EI24: variants seen among roughly 807,000 people sequenced by gnomAD.
EI24 encodes the protein EI24 autophagy associated transmembrane protein.
A neutral mutation model predicts 48.6 loss-of-function variants in EI24; 21 were observed. The observed-to-expected ratio is 0.43, with a 90% CI of 0.31 to 0.62. The LOEUF (loss-of-function observed/expected upper bound fraction) is 0.62, where lower values mean the gene tolerates loss of function less well. Ranked by LOEUF, EI24 falls within the 20% of genes least tolerant of loss-of-function variation. The pLI, the probability that EI24 is intolerant of heterozygous loss-of-function variation, is 0.10. For missense variants in EI24, 280 were observed against 410.5 expected (o/e 0.68, Z 2.75); for synonymous variants, 114 against 145.5 (o/e 0.78, Z 1.56).
rs1360060987 is a variant in EI24, at chr11:125,581,605, G to A, written c.785+283G>A. ...TCTGTCGCCCAGGCTAGAGTGCAGTGGTGTAATCTCAGCTCACTGCAACCT... is the reference window on the plus strand; with the variant it reads ...TCTGTCGCCCAGGCTAGAGTGCAGTAGTGTAATCTCAGCTCACTGCAACCT... On this transcript the variant is annotated intron_variant, in intron 9 of 10. Transcript: ENST00000278903. 2.2e-5 allele frequency among the ~76,000 whole-genome samples: 3 copies of A among 133,672 alleles called. No individual in the cohort carries two copies. In the East Asian group the frequency reaches 6.7e-4, roughly 30 times the overall value. 87.7% of individuals were successfully genotyped at this position (133,672 alleles called of 152,430 possible).
At chr11:125,577,886 T>C (rs771529621) in intron 5 of EI24, 6 of 585,288 alleles carry the variant, frequency 1.0e-5, no homozygotes, top group Non-Finnish European at 1.5e-5. Context: ...CTGTGGCATC[T>C]CGTTACCATC....
rs545799656 is a variant in EI24, at chr11:125,578,058, C to A, written c.317-75C>A. ...TCCAGGAGGAGACAGAGAATAGTCA[C>A]GAGATGGGGGTTCCGCATTTGGTCT... is the stretch of plus-strand genomic sequence containing the variant. On this transcript the variant is annotated intron_variant, in intron 5 of 10. Transcript: ENST00000278903. 6.4e-6 allele frequency: 10 copies of A among 1,569,826 alleles called. No homozygotes were observed. In the East Asian group the frequency reaches 2.0e-4, roughly 32 times the overall value.
rs570993633 is a variant in EI24 at position 125,583,588 on chromosome 11, T to G, written c.928T>G (p.Tyr310Asp). ...CAACAGACTCTTCCACAAGACAGTC[T>G]ACCTGCAGTCGGCCCTGAGCAGCTC... The part of the protein sequence containing the change: ...LSNRLFHKTV[Y>D]LQSALSSSTS... The change falls in exon 11 of 11, where the codon TAC becomes GAC. Residue 310 changes from tyrosine to aspartate, a missense_variant. By Grantham distance (160) the Tyr-to-Asp change is radical. Around this residue, in one of 3 missense-constraint regions of EI24, gnomAD observed 62 missense variants for 65.1 expected, o/e 0.95. Coordinates refer to ENST00000278903, the MANE Select transcript of EI24 (RefSeq NM_004879.5). 6.2e-6 allele frequency: 10 copies of G among 1,612,890 alleles called. No homozygotes were observed. In the East Asian group the frequency reaches 2.2e-4, roughly 36 times the overall value.
At chr11:125,580,545 A>C (rs555338803) in intron 8 of EI24, among the ~76,000 whole-genome samples, 1 of 152,316 alleles carries the variant, frequency 6.6e-6, no homozygotes, top group South Asian at 2.1e-4. Context: ...AAAGACCTTC[A>C]GATATTTACC....
At chr11:125,571,032 C>T (rs1396950733) in intron 1 of EI24, among the ~76,000 whole-genome samples, 1 of 152,202 alleles carries the variant, frequency 6.6e-6, no homozygotes, top group Non-Finnish European at 1.5e-5. Flanking sequence ...TAGGATTTGA[C>T]CTAAGGAGCA....
At chr11:125,569,636 G>T in intron 1 of EI24, 63 bp downstream of exon 1, 1 of 342,808 alleles carries the variant, frequency 2.9e-6, no homozygotes, top group Non-Finnish European at 5.3e-6. Flanking sequence ...TGAGTGGCAG[G>T]GACCGGGAGG....
chr11:125,581,392 T>G, intron 9 of EI24, 70 bp downstream of exon 9: 1 of 993,620 alleles, frequency 1.0e-6, no homozygotes, highest in Non-Finnish European at 1.5e-6. Context: ...GCCTTTTGTT[T>G]GCTTCGTTCT....
At position 125,582,326 on chromosome 11, in the gene EI24, T is replaced by TA. The variant is rs1939046230; in HGVS notation, c.786-20_786-19insA. ...TGTTATGAAGGTGACTAATTATTTC[T>TA]TTTTTTTTTTTTTAAACAGTGGCTG... is the stretch of plus-strand genomic sequence containing the variant. On this transcript the variant is annotated intron_variant, in intron 9 of 10. Transcript: ENST00000278903. 2.6e-6 allele frequency: 1 copy of TA among 379,860 alleles called. No individual in the cohort carries two copies. Among genetic ancestry groups the TA allele is most frequent in the East Asian group, 1.0e-4 (1 of 9,646 alleles). 23.5% of individuals were successfully genotyped at this position (379,860 alleles called of 1,614,324 possible).
chr11:125,575,913 C>T (rs940160079), intron 3 of EI24: 2 of 387,680 alleles, frequency 5.2e-6, no homozygotes, highest in Admixed American at 3.3e-5. Context: ...CTCAGCGAAC[C>T]GGCTGGCTGG....
intron 8 of EI24, 113 bp from the exon 9 acceptor site, chr11:125,581,077 AAATAATAATAATAATAATAAT>A: frequency 5.2e-6 from 1 of 193,012 alleles, no homozygotes; most frequent in Non-Finnish European, 9.5e-6. Flanking sequence ...ACTCCATCTC[AAATAATAATAATAATAATAAT>A]AATAATAATA....
At chr11:125,574,594 A>G (rs1938659998) in intron 2 of EI24, 1 of 152,230 alleles carries the variant, frequency 6.6e-6, no homozygotes, top group Admixed American at 6.5e-5. Flanking sequence ...AATGCTATCC[A>G]TTCTTAAATC....
At chr11:125,580,268 ACTT>A in intron 8 of EI24, 64 bp downstream of exon 8, 3 of 1,148,558 alleles carry the variant, frequency 2.6e-6, no homozygotes, top group Non-Finnish European at 3.9e-6. Context: ...TGCTAAGCAG[ACTT>A]CTTAAACTAC....
In EI24 at chr11:125,577,525, C is replaced by T; in HGVS notation, c.271C>T (p.Arg91Ter). 2 of 1,613,780 alleles carry T rather than the reference C, an allele frequency of 1.2e-6. No individual in the cohort carries two copies. Among genetic ancestry groups the T allele is most frequent in the Non-Finnish European group, 1.7e-6 (2 of 1,179,830 alleles). The change falls in exon 5 of 11, where the codon CGA becomes TGA. Residue 91 changes from arginine (R) to a stop codon, truncating the protein, a stop_gained. Coordinates refer to ENST00000278903, the MANE Select transcript of EI24 (RefSeq NM_004879.5). LOFTEE classifies it high-confidence loss of function. ...VFWFSLLLFY[R>*]VFIPVLQSVT... ...TTAGTTCAGTCTCCTCTTGTTTTAT[C>T]GAGTATTTATTCCTGTGCTTCAGTC...
In EI24 at chr11:125,582,409, T is replaced by C. The variant is rs868307053; in HGVS notation, c.849T>C (p.Pro283=). The C allele has an allele frequency of 6.2e-7, 1 of 1,603,148 alleles. No individual in the cohort carries two copies. Residue 283 remains proline, a synonymous_variant, in exon 10 of 11, where the codon CCT becomes CCC. Coordinates refer to ENST00000278903, the MANE Select transcript of EI24 (RefSeq NM_004879.5). Reference sequence around the variant, plus strand: ...TCAGCGCCAATGAAGCAAAGACCCCTGGCAAAGCATAGTAAGTATTAGCCA... The same window carrying C: ...TCAGCGCCAATGAAGCAAAGACCCCCGGCAAAGCATAGTAAGTATTAGCCA... The part of the protein sequence containing the change: ...FIISANEAKT[P]GKAYLFQLRL...
Position 125,581,318 on chromosome 11 carries a change from A to G in EI24, c.781A>G (p.Ile261Val). ...CACAGCAATGCAGTCCTCATATATT[A>G]TCAGGTAATTTGGCTACAGGGATTT... is the stretch of plus-strand genomic sequence containing the variant. ...FLTAMQSSYI[I>V]SGCLFSILFP... is the part of the protein sequence containing the mutation. Residue 261 changes from isoleucine (I) to valine (V), a missense_variant, in exon 9 of 11, where the codon ATC (isoleucine) becomes GTC (valine). By Grantham distance (29) the Ile-to-Val change is conservative. Transcript: ENST00000278903. 1 of 1,598,918 alleles carries G rather than the reference A, an allele frequency of 6.3e-7. No individual in the cohort carries two copies. Among genetic ancestry groups the G allele is most frequent in the Non-Finnish European group, 8.5e-7 (1 of 1,169,746 alleles).
chr11:125,572,533 T>C lies in EI24; in HGVS notation c.6T>C (p.Ala2=). 1.9e-6 allele frequency: 3 copies of C among 1,613,884 alleles called. No individual in the cohort carries two copies. The change falls in exon 2 of 11, where the codon GCT becomes GCC. Residue 2 remains alanine, a synonymous_variant. Coordinates refer to ENST00000278903, the MANE Select transcript of EI24 (RefSeq NM_004879.5). M[A]DSVKTFLQDL... ...GATAGTTTGGTGGTGAAGAGATGGC[T>C]GACAGTGTCAAAACCTTTCTCCAGG...
At chr11:125,574,959 A>AT (rs1441908447) in intron 2 of EI24, 1 of 187,170 alleles carries the variant, frequency 5.3e-6, no homozygotes, top group African/African-American at 2.3e-5. Context: ...TGGGAGATGG[A>AT]TGCATGAGTG....
At chr11:125,570,286 T>C (rs1333463904) in intron 1 of EI24, 1 of 152,206 alleles carries the variant, frequency 6.6e-6, no homozygotes, top group South Asian at 2.1e-4. Flanking sequence ...CTGGGTTCTC[T>C]CACCTGTTAA....
At position 125,577,489 on chromosome 11, in the gene EI24, GCTT is replaced by G. The variant is rs767743219; in HGVS notation, c.250-11_250-9del. Reference sequence around the variant, plus strand: ...ACTGGATTTTGATGTTTGCCTTGTTGCTTCTTTTCTTTAGTTCAGTCTCCTCTT... The same window carrying G: ...ACTGGATTTTGATGTTTGCCTTGTTGCTTTTCTTTAGTTCAGTCTCCTCTT... On this transcript the variant is annotated splice_polypyrimidine_tract_variant and intron_variant, in intron 4 of 10. Transcript: ENST00000278903. 9 of 1,608,244 alleles carry G rather than the reference GCTT, an allele frequency of 5.6e-6. No homozygotes were observed. The highest frequency in any genetic ancestry group is 7.6e-6 in the Non-Finnish European group (9 of 1,177,890).
Sources: gnomAD v4.1 joint callset for allele counts (sites outside exome capture counted in the v4.1 genomes callset) on GRCh38, gnomAD v4.1.1 for gene constraint, gnomAD v4.1.1 regional missense constraint, MANE v1.5 for transcripts, NCBI Gene and HGNC (gene_info 2026-07-23, HGNC 2026-07-21) for gene names.